BTBD16: variants seen among roughly 807,000 people sequenced by gnomAD.
The protein encoded by BTBD16 is BTB/POZ domain-containing protein 16.
BTBD16 carries 66 observed loss-of-function variants against 67.4 expected under a neutral mutation model. The ratio of observed to expected loss-of-function variants is 0.98; its 90% confidence interval spans 0.80 to 1.20. BTBD16 has a LOEUF of 1.20. Among genes scored for constraint, BTBD16 ranks in the 50% most tolerant of loss-of-function variants. The probability of loss-of-function intolerance (pLI) is 0.00; values close to 1 mark genes in which losing one functional copy is unlikely to be tolerated. For synonymous variants in BTBD16, 242 were observed against 236.4 expected, an observed-to-expected ratio of 1.02 and a Z score of -0.22; for missense variants, 634 against 616.0, an observed-to-expected ratio of 1.03 and a Z score of -0.31.
chr10:122,336,526 T>G lies in BTBD16; in HGVS notation c.1296T>G (p.Ser432=), dbSNP rs1129973. Residue 432 remains serine, a synonymous_variant, in exon 15 of 16, where the codon TCT becomes TCG. Coordinates refer to ENST00000260723, the MANE Select transcript of BTBD16 (RefSeq NM_144587.5). ...AGCACACAGACCTGGAATCTCCCTC[T>G]GCGGTCTACGAGCACAACCACGTCA... ...RIKHTDLESP[S]AVYEHNHVSL... is the part of the protein sequence containing the mutation. 115 of 1,610,110 alleles carry G rather than the reference T, an allele frequency of 7.1e-5. No homozygotes were observed. The highest frequency in any genetic ancestry group is 9.0e-5 in the Non-Finnish European group (106 of 1,178,106).
intron 10 of BTBD16, among the ~76,000 whole-genome samples, chr10:122,310,327 T>G (rs1397492078): frequency 6.6e-6 from 1 of 152,186 alleles, no homozygotes; most frequent in East Asian, 1.9e-4. Context: ...GGTGGCGCCC[T>G]GGGTCCATGT....
intron 10 of BTBD16, among the ~76,000 whole-genome samples, chr10:122,309,130 T>A (rs990738927): frequency 6.6e-5 from 10 of 152,118 alleles, no homozygotes; most frequent in African/African-American, 2.2e-4. Context: ...GTCAGACTTT[T>A]TTTTCTCTTT....
intron 8 of BTBD16, among the ~76,000 whole-genome samples, chr10:122,298,441 GCA>G (rs1239436158): frequency 6.6e-6 from 1 of 152,204 alleles, no homozygotes; most frequent in East Asian, 1.9e-4. Context: ...GCATTTCTCA[GCA>G]ATGCTTGGGC....
At chr10:122,277,091 C>T in intron 3 of BTBD16, 152 bp downstream of exon 3, 1 of 832,808 alleles carries the variant, frequency 1.2e-6, no homozygotes, top group Non-Finnish European at 1.8e-6. Flanking sequence ...CAGGCATGGA[C>T]AGGGTCATAA....
intron 10 of BTBD16, among the ~76,000 whole-genome samples, chr10:122,311,516 T>C (rs2096413685): frequency 6.6e-6 from 1 of 152,262 alleles, no homozygotes; most frequent in Admixed American, 6.5e-5. Flanking sequence ...AGCAAAGCTG[T>C]TGCCTTCATC....
chr10:122,278,893 T>C (rs993717729), intron 3 of BTBD16, among the ~76,000 whole-genome samples: 1 of 152,166 alleles, frequency 6.6e-6, no homozygotes, highest in East Asian at 1.9e-4. Context: ...CCTCCTGAGA[T>C]AGTGGGCTAG....
chr10:122,308,317 A>G (rs2096407315), intron 10 of BTBD16, among the ~76,000 whole-genome samples: 1 of 152,194 alleles, frequency 6.6e-6, no homozygotes, highest in South Asian at 2.1e-4. Flanking sequence ...CAGAGACGCC[A>G]CAGCTCTTCC....
At chr10:122,311,108 C>T (rs571749939) in intron 10 of BTBD16, among the ~76,000 whole-genome samples, 5 of 152,250 alleles carry the variant, frequency 3.3e-5, no homozygotes, top group African/African-American at 1.2e-4. Context: ...CTCCCATTTT[C>T]TTTTGTTCAT....
At position 122,305,749 on chromosome 10, in the gene BTBD16, C is replaced by T. The variant is rs187952070; in HGVS notation, c.792-1440C>T. Among the ~76,000 whole-genome samples the T allele has an allele frequency of 2.0e-5, 3 of 152,350 alleles. No individual in the cohort carries two copies. In the East Asian group the frequency reaches 5.8e-4, roughly 29 times the overall value. ...TCCTCGCCCTCTTCCTACCCACCAC[C>T]ATCAGGTAGGCCCTGTGTCTATTGT... On this transcript the variant is annotated intron_variant, in intron 9 of 15. Transcript: ENST00000260723.
intron 11 of BTBD16, among the ~76,000 whole-genome samples, chr10:122,330,809 G>C (rs578213064): frequency 1.4e-4 from 21 of 152,172 alleles, no homozygotes; most frequent in African/African-American, 5.1e-4. Context: ...GCTCACTGCA[G>C]CCTCTGCCTC....
At chr10:122,322,274 T>C (rs940608839) in intron 10 of BTBD16, among the ~76,000 whole-genome samples, 3 of 152,242 alleles carry the variant, frequency 2.0e-5, no homozygotes, top group Admixed American at 1.3e-4. Context: ...TATTTAGATA[T>C]CTGATTTCCA....
chr10:122,294,035 C>G, intron 7 of BTBD16: 4 of 760,616 alleles, frequency 5.3e-6, no homozygotes, highest in Non-Finnish European at 6.4e-6. Context: ...TGAGCCAAAC[C>G]TTTCATTCCA....
intron 10 of BTBD16, chr10:122,328,659 G>T: frequency 2.9e-6 from 2 of 683,420 alleles, no homozygotes; most frequent in South Asian, 6.6e-5. Flanking sequence ...TCCTATGCAG[G>T]CTCTGCCTTG....
intron 7 of BTBD16, chr10:122,295,327 G>A (rs1246022986): frequency 1.0e-6 from 1 of 985,320 alleles, no homozygotes; most frequent in East Asian, 1.1e-4. Context: ...AGGGGACAGG[G>A]TGGAGCAGCA....
At chr10:122,275,207 C>A in intron 2 of BTBD16, 108 bp downstream of exon 2, 1 of 1,089,938 alleles carries the variant, frequency 9.2e-7, no homozygotes, top group Non-Finnish European at 1.4e-6. Flanking sequence ...CCGAGGACCT[C>A]AAGCATTATT....
In BTBD16 at chr10:122,299,070, G is replaced by C; in HGVS notation, c.727G>C (p.Gly243Arg). The part of the protein sequence containing the change: ...WLEMNLVPLG[G>R]TQIHLHKIPQ... ...GGAAATGAACTTGGTTCCTCTAGGG[G>C]GGACGCAGATCCACCTCCACAAAAT... is the stretch of plus-strand genomic sequence containing the variant. The change falls in exon 9 of 16, where the codon GGG becomes CGG. Residue 243 changes from glycine to arginine, a missense_variant. By Grantham distance (125) the Gly-to-Arg change is moderately radical (BLOSUM62 -2). Transcript: ENST00000260723. 6.2e-7 allele frequency: 1 copy of C among 1,614,032 alleles called. No homozygotes were observed. Among genetic ancestry groups the C allele is most frequent in the Non-Finnish European group, 8.5e-7 (1 of 1,179,984 alleles).
chr10:122,325,038 TAG>T (rs1696733633), intron 10 of BTBD16, among the ~76,000 whole-genome samples: 1 of 152,154 alleles, frequency 6.6e-6, no homozygotes, highest in Non-Finnish European at 1.5e-5. Context: ...GAAAAGCTGA[TAG>T]GTCATGGTGA....
rs762290360 is a variant in BTBD16 at position 122,286,218 on chromosome 10, C to T, written c.355C>T (p.Pro119Ser). The T allele has an allele frequency of 6.2e-7, 1 of 1,611,780 alleles. No individual in the cohort carries two copies. ...LKALAQGTTH[P>S]LRELEELLRA... Reference sequence around the variant, plus strand: ...AGCCCTGGCGCAGGGCACCACACACCCCCTGAGGGAGCTGGAGGAGCTTCT... The same window carrying T: ...AGCCCTGGCGCAGGGCACCACACACTCCCTGAGGGAGCTGGAGGAGCTTCT... The change falls in exon 5 of 16, where the codon CCC becomes TCC. Residue 119 changes from proline (P) to serine (S), a missense_variant. Physicochemically the swap from Pro to Ser is moderately conservative, Grantham distance 74. Transcript: ENST00000260723.
intron 7 of BTBD16, among the ~76,000 whole-genome samples, chr10:122,297,255 T>A (rs1401542647): frequency 6.6e-6 from 1 of 152,164 alleles, no homozygotes; most frequent in African/African-American, 2.4e-5. Context: ...ACGGTATGTG[T>A]TCAATGAATA....
Sources: gnomAD v4.1 joint callset for allele counts (sites outside exome capture counted in the v4.1 genomes callset) on GRCh38, gnomAD v4.1.1 for gene constraint, MANE v1.5 for transcripts, NCBI Gene and HGNC (gene_info 2026-07-23, HGNC 2026-07-21) for gene names.